The following CFAP46 variants were observed in gnomAD, a reference collection of about 807,000 sequenced individuals.
CFAP46 encodes the protein cilia- and flagella-associated protein 46.
In CFAP46, 245 loss-of-function variants were observed where a neutral mutation model predicts 325.7. That is an observed-to-expected ratio of 0.75 (90% CI 0.68 to 0.84). The LOEUF is 0.84. Among genes scored for constraint, CFAP46 ranks in the 40% least tolerant of loss-of-function variants. The probability of loss-of-function intolerance (pLI) is 0.00; values close to 1 mark genes in which losing one functional copy is unlikely to be tolerated. For synonymous variants in CFAP46, 1,523 were observed against 1,495.9 expected, an observed-to-expected ratio of 1.02 and a Z score of -0.42; for missense variants, 3,346 against 3,543.0, an observed-to-expected ratio of 0.94 and a Z score of 1.41.
intron 44 of CFAP46, among the ~76,000 whole-genome samples, chr10:132,840,910 T>C (rs1848336219): frequency 6.6e-6 from 1 of 152,166 alleles, no homozygotes; most frequent in African/African-American, 2.4e-5. Context: ...GGGGACACCA[T>C]AGAGTCCGGG....
At chr10:132,930,623 C>T in intron 8 of CFAP46, among the ~76,000 whole-genome samples, 1 of 124,446 alleles carries the variant, frequency 8.0e-6, no homozygotes, top group Non-Finnish European at 1.7e-5. Flanking sequence ...GAGCCTGGGC[C>T]TCCCTCCTCT....
intron 24 of CFAP46, among the ~76,000 whole-genome samples, chr10:132,893,504 C>G (rs1849281502): frequency 6.6e-6 from 1 of 152,222 alleles, no homozygotes; most frequent in Non-Finnish European, 1.5e-5. Context: ...AGGAAACACT[C>G]TCTCGCTTCA....
Position 132,828,286 on chromosome 10 carries a change from C to A in CFAP46, c.7117+5072G>T, listed in dbSNP as rs1009127146. On this transcript the variant is annotated intron_variant, in intron 50 of 57. Transcript: ENST00000368586. The surrounding 1 kb of genome is among the most constrained non-coding windows in gnomAD (Gnocchi z 4.9). ...TCTTAAGAAACTGCCAAACTGTCTT[C>A]CAAAGTGGCTCCAGCATTCACCATT... Among the ~76,000 whole-genome samples, 1 of 152,222 alleles carries A rather than the reference C, an allele frequency of 6.6e-6. No individual in the cohort carries two copies. The highest frequency in any genetic ancestry group is 1.5e-5 in the Non-Finnish European group (1 of 68,044).
chr10:132,931,490 TCTACACAGA>T (rs1849901168), intron 8 of CFAP46, among the ~76,000 whole-genome samples: 1 of 77,446 alleles, frequency 1.3e-5, no homozygotes. Flanking sequence ...CTTCCTCCTC[TCTACACAGA>T]GCCTGGGCCT....
At chr10:132,852,421 A>G (rs1417142459) in intron 39 of CFAP46, among the ~76,000 whole-genome samples, 1 of 134,116 alleles carries the variant, frequency 7.5e-6, no homozygotes, top group African/African-American at 2.9e-5. Flanking sequence ...ATGTTCCTCC[A>G]TTTACTTAGG....
intron 8 of CFAP46, among the ~76,000 whole-genome samples, chr10:132,934,079 C>T (rs368332112): frequency 7.9e-5 from 12 of 152,324 alleles, no homozygotes; most frequent in East Asian, 5.8e-4. Context: ...GTACTTGTTA[C>T]GCAGCTGCAG....
Position 132,832,862 on chromosome 10 carries a change from A to G in CFAP46, c.7117+496T>C. ...CACATCTGGTCCCCTCCTTTGAAAC[A>G]GGTATTTGTGGGGGCAAGAACAGCG... On this transcript the variant is annotated intron_variant, in intron 50 of 57. Transcript: ENST00000368586. This position sits in a 1 kb window ranked among gnomAD's most constrained non-coding sequence, Gnocchi z 4.1. 2.1e-6 allele frequency: 1 copy of G among 468,078 alleles called. No homozygotes were observed. Among genetic ancestry groups the G allele is most frequent in the East Asian group, 7.0e-5 (1 of 14,334 alleles). The allele number at this position is 468,078 out of a possible 1,614,324, so 29.0% of individuals were successfully genotyped here. A position where few individuals can be genotyped will look rare whatever the true frequency, so the allele number is the denominator to read the frequency against.
At chr10:132,916,288 T>C (rs4880221) in intron 17 of CFAP46, among the ~76,000 whole-genome samples, 41,320 of 152,138 alleles carry the variant, frequency 0.27, 6,141 homozygotes, top group South Asian at 0.43. Context: ...GAAAAGACAC[T>C]CCTGAACGTT....
chr10:132,918,649 C>G, intron 15 of CFAP46, 129 bp from the exon 16 acceptor site: 1 of 1,232,938 alleles, frequency 8.1e-7, no homozygotes. Context: ...CCAAGGTGGG[C>G]GGGTAGGCGG....
Position 132,877,819 on chromosome 10 carries a change from G to C in CFAP46, c.4212+62C>G. On this transcript the variant is annotated intron_variant, in intron 30 of 57. Coordinates refer to ENST00000368586, the MANE Select transcript of CFAP46 (RefSeq NM_001200049.3). This position sits in a 1 kb window ranked among gnomAD's most constrained non-coding sequence, Gnocchi z 5.7. ...GCTCCTCCGAGAACCCTGACAGGCA[G>C]GGAAACTGAGGCACAGGCCATCCTG... is the stretch of plus-strand genomic sequence containing the variant. The C allele has an allele frequency of 6.6e-7, 1 of 1,525,426 alleles. No individual in the cohort carries two copies. Among genetic ancestry groups the C allele is most frequent in the African/African-American group, 1.4e-5 (1 of 72,238 alleles). The allele number at this position is 1,525,426 out of a possible 1,614,324, so 94.5% of individuals were successfully genotyped here.
chr10:132,873,923 A>G (rs1001562377), intron 31 of CFAP46, among the ~76,000 whole-genome samples: 2 of 152,222 alleles, frequency 1.3e-5, no homozygotes, highest in Admixed American at 1.3e-4. Flanking sequence ...AACACAACCT[A>G]TGAAAACTGT....
At position 132,857,346 on chromosome 10, in the gene CFAP46, G is replaced by A. The variant is rs138652839; in HGVS notation, c.5574+244C>T. Among the ~76,000 whole-genome samples the A allele has an allele frequency of 9.5e-3, 1,450 of 152,328 alleles. 12 individuals are homozygous for A. Among genetic ancestry groups the A allele is most frequent in the South Asian group, 0.043 (209 of 4,830 alleles). ...GTCACCAGCGGACTCCACCTGAGCC[G>A]CCGTGGTGAGCTCGGACCTTAGCTC... is the stretch of plus-strand genomic sequence containing the variant. On this transcript the variant is annotated intron_variant, in intron 39 of 57. Coordinates refer to ENST00000368586, the MANE Select transcript of CFAP46 (RefSeq NM_001200049.3).
At chr10:132,880,708 T>C (rs1268483616) in intron 28 of CFAP46, among the ~76,000 whole-genome samples, 153 bp downstream of exon 28, 6 of 150,876 alleles carry the variant, frequency 4.0e-5, no homozygotes, top group African/African-American at 9.8e-5. Flanking sequence ...CAGGGGCCCC[T>C]GCAGAGGACA....
chr10:132,836,098 CG>C, intron 46 of CFAP46, 43 bp downstream of exon 46: 1 of 1,536,536 alleles, frequency 6.5e-7, no homozygotes, highest in Non-Finnish European at 8.8e-7. Flanking sequence ...GCCCATGCTC[CG>C]CCTGCCCTGC....
At chr10:132,823,511 GA>G (rs1425931961) in intron 50 of CFAP46, among the ~76,000 whole-genome samples, 14 of 121,356 alleles carry the variant, frequency 1.2e-4, no homozygotes, top group African/African-American at 3.1e-4. Context: ...GCTGTGTGCT[GA>G]TGTGTGCTGT....
rs147403505 is a variant in CFAP46 at position 132,890,968 on chromosome 10, A to G, written c.3304+1365T>C. 3.5e-3 allele frequency among the ~76,000 whole-genome samples: 529 copies of G among 152,344 alleles called. 5 individuals are homozygous for G. The highest frequency in any genetic ancestry group is 0.012 in the African/African-American group (510 of 41,584). The stretch of plus-strand genomic sequence containing the variant: ...ACACCTTAGGACTCTTAACAGGGAT[A>G]ATTTTTTTTAGCAGACAATTTTTTT... On this transcript the variant is annotated intron_variant, in intron 25 of 57. Transcript: ENST00000368586.
Position 132,857,581 on chromosome 10 carries a change from C to T in CFAP46, c.5574+9G>A, listed in dbSNP as rs942154101. 6.7e-5 allele frequency: 108 copies of T among 1,611,402 alleles called. No homozygotes were observed. The highest frequency in any genetic ancestry group is 2.2e-5 in the South Asian group (2 of 90,790). On this transcript the variant is annotated intron_variant, in intron 39 of 57. Coordinates refer to ENST00000368586, the MANE Select transcript of CFAP46 (RefSeq NM_001200049.3). The stretch of plus-strand genomic sequence containing the variant: ...CCCAGTGTGCACAGGAACCAGGACA[C>T]CTGCTTACGTCTTGAAGTGACAATA...
At chr10:132,818,761 G>A (rs879527802) in intron 50 of CFAP46, among the ~76,000 whole-genome samples, 1 of 151,884 alleles carries the variant, frequency 6.6e-6, no homozygotes, top group Non-Finnish European at 1.5e-5. Flanking sequence ...GCTGAGGCAG[G>A]AGAATTGCTT....
chr10:132,861,178 G>A (rs889606492), intron 35 of CFAP46, among the ~76,000 whole-genome samples, 196 bp from the exon 36 acceptor site: 1 of 152,250 alleles, frequency 6.6e-6, no homozygotes, highest in Non-Finnish European at 1.5e-5. Context: ...CTCCCTGGCA[G>A]GACTTGCAGT....
Sources: allele counts gnomAD v4.1 joint callset (sites outside exome capture counted in the v4.1 genomes callset), GRCh38; gene constraint gnomAD v4.1.1; non-coding constraint Gnocchi (gnomAD v3.1); transcripts MANE v1.5; gene names NCBI Gene and HGNC (gene_info 2026-07-23, HGNC 2026-07-21).